SLC17A1: variants seen among roughly 807,000 people sequenced by gnomAD.
SLC17A1 encodes solute carrier family 17 member 1.
In SLC17A1, 51 loss-of-function variants were observed where a neutral mutation model predicts 53.5. The observed-to-expected ratio is 0.95, with a 90% CI of 0.76 to 1.20. The LOEUF (loss-of-function observed/expected upper bound fraction) is 1.20. Among genes scored for constraint, SLC17A1 ranks in the 50% most tolerant of loss-of-function variants. The probability of loss-of-function intolerance (pLI) is 0.00; values close to 1 mark genes in which losing one functional copy is unlikely to be tolerated. For missense variants in SLC17A1, 538 were observed against 568.2 expected (o/e 0.95, Z 0.54); for synonymous variants, 179 against 198.8 (o/e 0.90, Z 0.84).
chr6:25,777,919 C>G (rs1218191265), downstream of SLC17A1: 2 of 1,606,274 alleles, frequency 1.2e-6, no homozygotes, highest in African/African-American at 2.7e-5. Flanking sequence ...CCATCTCTCT[C>G]TCTCAGGTAC....
At chr6:25,728,746 G>A in the SLC17A1 span, among the ~76,000 whole-genome samples, 80 of 152,252 alleles carry the variant, frequency 5.3e-4, no homozygotes, top group Admixed American at 1.2e-3. Context: ...CCCGGGAGGC[G>A]GAGGTTGCAG....
chr6:25,811,534 G>T lies in SLC17A1; in HGVS notation c.1042C>A (p.Pro348Thr). 1 of 1,613,912 alleles carries T rather than the reference G, an allele frequency of 6.2e-7. No individual in the cohort carries two copies. The highest frequency in any genetic ancestry group is 8.5e-7 in the Non-Finnish European group (1 of 1,179,882). The change falls in exon 10 of 13, where the codon CCT becomes ACT. Residue 348 changes from proline (P) to threonine (T), a missense_variant. Coordinates refer to ENST00000244527, the MANE Select transcript of SLC17A1 (RefSeq NM_005074.5). ...KLFTAAGFLL[P>T]AIFGVCLPYL... is the part of the protein sequence containing the mutation. Reference sequence around the variant, plus strand: ...GGCAGGCAGACACCAAAGATTGCAGGAAGGAGAAATCCTGGGGAGTGATTC... The same window carrying T: ...GGCAGGCAGACACCAAAGATTGCAGTAAGGAGAAATCCTGGGGAGTGATTC...
chr6:25,775,530 G>A, the SLC17A1 span, among the ~76,000 whole-genome samples: 15 of 151,976 alleles, frequency 9.9e-5, no homozygotes, highest in African/African-American at 3.6e-4. Context: ...CGACCTCCCA[G>A]GCTCAAGCAA....
the SLC17A1 span, chr6:25,726,016 G>A: frequency 2.2e-6 from 2 of 914,296 alleles, no homozygotes; most frequent in Non-Finnish European, 3.2e-6. Flanking sequence ...AAGATGGCTG[G>A]TTAACAGCAG....
chr6:25,767,210 C>T, the SLC17A1 span, among the ~76,000 whole-genome samples: 7 of 152,124 alleles, frequency 4.6e-5, no homozygotes, highest in East Asian at 7.7e-4. Flanking sequence ...CAAAAAATAG[C>T]ACATACATAT....
chr6:25,769,727 A>T, the SLC17A1 span, among the ~76,000 whole-genome samples: 1 of 152,148 alleles, frequency 6.6e-6, no homozygotes, highest in Non-Finnish European at 1.5e-5. Flanking sequence ...TACAATGATG[A>T]AAATCACTAC....
At chr6:25,761,725 TA>T in the SLC17A1 span, among the ~76,000 whole-genome samples, 1 of 152,158 alleles carries the variant, frequency 6.6e-6, no homozygotes, top group African/African-American at 2.4e-5. Flanking sequence ...GAGATATAAA[TA>T]CTAAGACCCA....
At chr6:25,743,697 T>C in the SLC17A1 span, among the ~76,000 whole-genome samples, 2 of 152,160 alleles carry the variant, frequency 1.3e-5, no homozygotes, top group Non-Finnish European at 1.5e-5. Context: ...CTTAATGTCA[T>C]CCACATTAAA....
At chr6:25,773,895 T>A in the SLC17A1 span, among the ~76,000 whole-genome samples, 13 of 152,158 alleles carry the variant, frequency 8.5e-5, no homozygotes, top group African/African-American at 3.1e-4. Flanking sequence ...CTAGTTTGAT[T>A]TTCATACACT....
chr6:25,814,576 G>T (rs906576178), intron 6 of SLC17A1, among the ~76,000 whole-genome samples: 1 of 152,094 alleles, frequency 6.6e-6, no homozygotes, highest in African/African-American at 2.4e-5. Flanking sequence ...TAGAAATAAA[G>T]AATGCCTTTG....
At chr6:25,733,429 T>A in the SLC17A1 span, among the ~76,000 whole-genome samples, 1 of 152,062 alleles carries the variant, frequency 6.6e-6, no homozygotes, top group East Asian at 1.9e-4. Context: ...CTAAACATAC[T>A]CCTAGGGCGC....
At chr6:25,773,551 G>A in the SLC17A1 span, 3 of 1,613,926 alleles carry the variant, frequency 1.9e-6, no homozygotes, top group Admixed American at 3.3e-5. Context: ...TTAGGGCTAT[G>A]ATCAAATCCT....
At chr6:25,766,542 A>G in the SLC17A1 span, among the ~76,000 whole-genome samples, 1 of 152,210 alleles carries the variant, frequency 6.6e-6, no homozygotes. Context: ...GTAATTTTAC[A>G]GTGGAGCAAC....
At chr6:25,758,638 C>G in the SLC17A1 span, among the ~76,000 whole-genome samples, 1 of 152,272 alleles carries the variant, frequency 6.6e-6, no homozygotes. Context: ...ATTTTAATAT[C>G]TCCCGTTTTG....
chr6:25,727,321 C>G, the SLC17A1 span: 5 of 1,547,960 alleles, frequency 3.2e-6, no homozygotes, highest in African/African-American at 1.4e-5. Context: ...ATTTCTAACC[C>G]AAAGGCTCTT....
rs763579189 is a variant in SLC17A1, at chr6:25,813,168, T to A, written c.662A>T (p.Tyr221Phe). Reference protein sequence around the residue: ...AVCLLWFVLFYDDPKDHPCIS... With the variant: ...AVCLLWFVLFFDDPKDHPCIS... ...ACATGGGTGGTCTTTGGGGTCATCA[T>A]AAAACAGAACGAACCAGAGAAGACA... The change falls in exon 7 of 13, where the codon TAT becomes TTT. Residue 221 changes from tyrosine to phenylalanine, a missense_variant. By Grantham distance (22) the Tyr-to-Phe change is conservative (BLOSUM62 3). Transcript: ENST00000244527. 1.2e-6 allele frequency: 2 copies of A among 1,614,036 alleles called. No individual in the cohort carries two copies. Among genetic ancestry groups the A allele is most frequent in the African/African-American group, 2.7e-5 (2 of 74,912 alleles).
the SLC17A1 span, among the ~76,000 whole-genome samples, chr6:25,749,662 G>A: frequency 6.6e-6 from 1 of 152,062 alleles, no homozygotes; most frequent in African/African-American, 2.4e-5. Flanking sequence ...TAAAGCCAGA[G>A]GGACTCAAGT....
At chr6:25,730,520 G>T in the SLC17A1 span, among the ~76,000 whole-genome samples, 1 of 152,116 alleles carries the variant, frequency 6.6e-6, no homozygotes. Context: ...GGAAGATATT[G>T]GTTAAAGGAT....
At chr6:25,827,490 T>G (rs1345861651) in intron 2 of SLC17A1, among the ~76,000 whole-genome samples, 1 of 152,164 alleles carries the variant, frequency 6.6e-6, no homozygotes, top group Non-Finnish European at 1.5e-5. Context: ...GTATATACTA[T>G]AGGAATCTAG....
Sources: gnomAD v4.1 joint callset for allele counts (sites outside exome capture counted in the v4.1 genomes callset) on GRCh38, gnomAD v4.1.1 for gene constraint, MANE v1.5 for transcripts, NCBI Gene and HGNC (gene_info 2026-07-23, HGNC 2026-07-21) for gene names.